MAST4: variants seen among roughly 807,000 people sequenced by gnomAD.
MAST4 encodes microtubule-associated serine/threonine-protein kinase 4.
MAST4 carries 89 observed loss-of-function variants against 162.7 expected under a neutral mutation model. That is an observed-to-expected ratio of 0.55 (90% CI 0.46 to 0.65). The LOEUF is 0.65. Ranked by LOEUF, MAST4 falls within the 30% of genes least tolerant of loss-of-function variation. The probability of loss-of-function intolerance (pLI) is 0.00; values close to 1 mark genes in which losing one functional copy is unlikely to be tolerated. For synonymous variants in MAST4, 1,479 were observed against 1,361.1 expected, an observed-to-expected ratio of 1.09 and a Z score of -1.91; for missense variants, 3,153 against 3,374.0, an observed-to-expected ratio of 0.93 and a Z score of 1.62.
rs950727475 is a variant in MAST4, at chr5:67,023,403, A to G, written c.675-31001A>G. ...TTTTTAGGAGAATCTTTGAGAAGCC[A>G]ATAATTACATGGTAGCACATGATCA... On this transcript the variant is annotated intron_variant, in intron 4 of 28. Coordinates refer to ENST00000403625, the MANE Select transcript of MAST4 (RefSeq NM_001164664.2). 5.3e-5 allele frequency among the ~76,000 whole-genome samples: 8 copies of G among 152,186 alleles called. 1 individual carries two copies. Among genetic ancestry groups the G allele is most frequent in the Non-Finnish European group, 1.0e-4 (7 of 68,034 alleles).
At chr5:66,941,238 A>C (rs1335832059) in intron 4 of MAST4, among the ~76,000 whole-genome samples, 2 of 151,084 alleles carry the variant, frequency 1.3e-5, no homozygotes, top group Non-Finnish European at 2.9e-5. Flanking sequence ...AGAGGGAGTC[A>C]GGCTGTCCTT....
Position 67,133,725 on chromosome 5 carries a change from G to A in MAST4, c.2226+79G>A. The A allele has an allele frequency of 2.0e-6, 3 of 1,490,578 alleles. No homozygotes were observed. The South Asian group carries it at 3.6e-5, about 18-fold the overall frequency. The allele number at this position is 1,490,578 out of a possible 1,614,324, so 92.3% of individuals were successfully genotyped here. Reference sequence around the variant, plus strand: ...GTGAAGTTCAGAATCAACTTGTGTGGGCCATCTTCACATTAGTGCTGGTGG... The same window carrying A: ...GTGAAGTTCAGAATCAACTTGTGTGAGCCATCTTCACATTAGTGCTGGTGG... On this transcript the variant is annotated intron_variant, in intron 17 of 28. Transcript: ENST00000403625.
intron 1 of MAST4, among the ~76,000 whole-genome samples, chr5:66,601,577 G>A (rs1011366762): frequency 6.6e-6 from 1 of 152,176 alleles, no homozygotes; most frequent in African/African-American, 2.4e-5. Flanking sequence ...ATGAGCAGGA[G>A]TTAGGTGGGG....
chr5:66,921,958 G>T (rs1325203677), intron 4 of MAST4, among the ~76,000 whole-genome samples: 1 of 151,994 alleles, frequency 6.6e-6, no homozygotes, highest in African/African-American at 2.4e-5. Context: ...ATCTTAGATT[G>T]TCTCAAAATG....
chr5:66,749,295 CT>C (rs1449232240), intron 1 of MAST4, among the ~76,000 whole-genome samples: 1 of 152,162 alleles, frequency 6.6e-6, no homozygotes, highest in Non-Finnish European at 1.5e-5. Context: ...GATTCTGTTC[CT>C]GGCAATTCCC....
chr5:67,004,363 A>C (rs1344578433), intron 4 of MAST4, among the ~76,000 whole-genome samples: 1 of 152,226 alleles, frequency 6.6e-6, no homozygotes, highest in East Asian at 1.9e-4. Context: ...AAGGGTCCAC[A>C]AAGGTGTCAG....
chr5:67,061,243 T>C (rs938262930), intron 5 of MAST4, among the ~76,000 whole-genome samples: 1 of 152,202 alleles, frequency 6.6e-6, no homozygotes, highest in Non-Finnish European at 1.5e-5. Context: ...CACCAAATAG[T>C]ACAGTGTTGA....
chr5:66,864,578 G>A (rs1186431976), intron 3 of MAST4, among the ~76,000 whole-genome samples: 3 of 152,100 alleles, frequency 2.0e-5, no homozygotes, highest in South Asian at 2.1e-4. Context: ...CAAAAGTAAC[G>A]GAAGAGAGAT....
chr5:66,817,995 G>A (rs1756812635), intron 3 of MAST4, among the ~76,000 whole-genome samples: 1 of 151,968 alleles, frequency 6.6e-6, no homozygotes, highest in Non-Finnish European at 1.5e-5. Flanking sequence ...GTCATTTTTT[G>A]GAAGAGTGCT....
At chr5:67,004,330 G>C (rs565536755) in intron 4 of MAST4, among the ~76,000 whole-genome samples, 3 of 152,214 alleles carry the variant, frequency 2.0e-5, no homozygotes, top group African/African-American at 2.4e-5. Flanking sequence ...AGGCCCTGCC[G>C]CCTCCTCCCA....
At chr5:67,121,237 C>A in intron 14 of MAST4, 135 bp downstream of exon 14, 1 of 632,648 alleles carries the variant, frequency 1.6e-6, no homozygotes, top group Non-Finnish European at 2.6e-6. Context: ...TTTCCTGAGG[C>A]TTGTACTGTG....
intron 4 of MAST4, among the ~76,000 whole-genome samples, chr5:66,968,244 G>A: frequency 6.6e-6 from 1 of 152,166 alleles, no homozygotes; most frequent in East Asian, 1.9e-4. Flanking sequence ...GAGCCTGCTG[G>A]CTGCATGTCT....
intron 4 of MAST4, chr5:67,005,216 C>A: frequency 1.5e-6 from 1 of 664,296 alleles, no homozygotes; most frequent in Non-Finnish European, 2.8e-6. Flanking sequence ...GTTTATGCCC[C>A]GCTAGGGGAG....
chr5:66,823,610 T>C (rs1757098045), intron 3 of MAST4, among the ~76,000 whole-genome samples: 1 of 152,158 alleles, frequency 6.6e-6, no homozygotes, highest in Non-Finnish European at 1.5e-5. Flanking sequence ...CCTGAGTAGC[T>C]GGGATTACAG....
intron 3 of MAST4, among the ~76,000 whole-genome samples, chr5:66,845,126 T>TATATATATATATATATATATACACACAC (rs1358855625): frequency 3.0e-5 from 2 of 67,178 alleles, no homozygotes; most frequent in East Asian, 8.0e-4. Context: ...TATATATATA[T>TATATATATATATATATATATACACACAC]ACACACACAC....
chr5:66,763,482 C>T (rs1226280344), intron 2 of MAST4, among the ~76,000 whole-genome samples: 1 of 152,092 alleles, frequency 6.6e-6, no homozygotes. Context: ...ATATATAAAG[C>T]AGTACCATTT....
chr5:66,956,721 C>T (rs1306857843), intron 4 of MAST4, among the ~76,000 whole-genome samples: 1 of 152,112 alleles, frequency 6.6e-6, no homozygotes, highest in Non-Finnish European at 1.5e-5. Context: ...GCTTGATTAT[C>T]CCATATGGGG....
chr5:66,873,629 G>A (rs1168163940), intron 3 of MAST4, among the ~76,000 whole-genome samples: 3 of 152,190 alleles, frequency 2.0e-5, no homozygotes, highest in Non-Finnish European at 4.4e-5. Flanking sequence ...TCATTAACCA[G>A]CTCTGTGGAC....
intron 4 of MAST4, among the ~76,000 whole-genome samples, chr5:66,955,856 T>C (rs532296327): frequency 4.5e-4 from 69 of 152,346 alleles, no homozygotes; most frequent in African/African-American, 1.6e-3. Flanking sequence ...CACAATATCA[T>C]GCTGATTATT....
Sources: allele counts gnomAD v4.1 joint callset (sites outside exome capture counted in the v4.1 genomes callset), GRCh38; gene constraint gnomAD v4.1.1; transcripts MANE v1.5; gene names NCBI Gene and HGNC (gene_info 2026-07-23, HGNC 2026-07-21).